ABHD12B: variants seen among roughly 807,000 people sequenced by gnomAD.
ABHD12B encodes the protein abhydrolase domain containing 12B.
In ABHD12B, 42 loss-of-function variants were observed where a neutral mutation model predicts 50.4. The observed-to-expected ratio is 0.83, with a 90% CI of 0.65 to 1.08. The LOEUF (loss-of-function observed/expected upper bound fraction) is 1.08, where lower values mean the gene tolerates loss of function less well. Ranked by LOEUF, ABHD12B falls within the 50% of genes least tolerant of loss-of-function variation. The pLI is 0.00. For missense variants in ABHD12B, 479 were observed against 447.7 expected (o/e 1.07, Z -0.63); for synonymous variants, 167 against 160.3 (o/e 1.04, Z -0.32).
chr14:50,876,239 A>G (rs2049862193), intron 1 of ABHD12B, among the ~76,000 whole-genome samples: 1 of 152,202 alleles, frequency 6.6e-6, no homozygotes, highest in Admixed American at 6.5e-5. Flanking sequence ...TTGCCAGCGT[A>G]TGATGTATTC....
At chr14:50,887,284 A>G (rs1168097839) in intron 8 of ABHD12B, among the ~76,000 whole-genome samples, 6 of 151,780 alleles carry the variant, frequency 4.0e-5, no homozygotes, top group African/African-American at 1.2e-4. Flanking sequence ...AAAATACTGT[A>G]TCATTAAATG....
chr14:50,879,410 A>G (rs145329338), intron 3 of ABHD12B, among the ~76,000 whole-genome samples: 176 of 152,364 alleles, frequency 1.2e-3, no homozygotes, highest in South Asian at 2.9e-3. Context: ...AGCAGGTGAT[A>G]GACTTTGTTG....
At chr14:50,888,524 A>T (rs1455800321) in intron 8 of ABHD12B, among the ~76,000 whole-genome samples, 1 of 151,984 alleles carries the variant, frequency 6.6e-6, no homozygotes, top group African/African-American at 2.4e-5. Flanking sequence ...TGTCCAAGCC[A>T]TGATGACCTG....
At position 50,890,902 on chromosome 14, in the gene ABHD12B, CTT is replaced by C. The variant is rs2050108674; in HGVS notation, c.780+2001_780+2002del. ...TTACAGTGCAAGTTTTCCTAAATGA[CTT>C]TACCACTTTACTCTCTCACCAATCC... is the stretch of plus-strand genomic sequence containing the variant. On this transcript the variant is annotated intron_variant, in intron 9 of 12. Coordinates refer to ENST00000337334, the MANE Select transcript of ABHD12B (RefSeq NM_001206673.2). Among the ~76,000 whole-genome samples the C allele has an allele frequency of 3.3e-5, 5 of 152,278 alleles. No individual in the cohort carries two copies. The East Asian group carries it at 9.6e-4, about 29-fold the overall frequency.
intron 5 of ABHD12B, among the ~76,000 whole-genome samples, chr14:50,881,843 G>A (rs979396094): frequency 6.6e-6 from 1 of 152,116 alleles, no homozygotes; most frequent in African/African-American, 2.4e-5. Context: ...AAGTACCTTC[G>A]TGAACTTAAT....
At chr14:50,885,530 T>G in intron 5 of ABHD12B, 84 bp from the exon 6 acceptor site, 1 of 1,489,430 alleles carries the variant, frequency 6.7e-7, no homozygotes, top group Non-Finnish European at 9.4e-7. Context: ...CTCCTTGTGA[T>G]GTGATATGGA....
At position 50,904,055 on chromosome 14, in the gene ABHD12B, C is replaced by T. The variant is rs757911675; in HGVS notation, c.943-19C>T. 1.1e-5 allele frequency: 17 copies of T among 1,593,268 alleles called. No individual in the cohort carries two copies. The highest frequency in any genetic ancestry group is 4.5e-5 in the South Asian group (4 of 89,548). On this transcript the variant is annotated intron_variant, in intron 11 of 12. Coordinates refer to ENST00000337334, the MANE Select transcript of ABHD12B (RefSeq NM_001206673.2). ...AGCTTTGAATGGCCATCCTTTGAGT[C>T]TCTTTCTGTCGCTTGCAGCTCTATG...
chr14:50,875,334 G>A (rs1442922628), intron 1 of ABHD12B, among the ~76,000 whole-genome samples: 1 of 152,242 alleles, frequency 6.6e-6, no homozygotes, highest in African/African-American at 2.4e-5. Flanking sequence ...GAGTGAATTG[G>A]CACACAGGTT....
At position 50,886,666 on chromosome 14, in the gene ABHD12B, A is replaced by G. The variant is rs760333055; in HGVS notation, c.682A>G (p.Lys228Glu). The G allele has an allele frequency of 6.2e-7, 1 of 1,609,354 alleles. No individual in the cohort carries two copies. Among genetic ancestry groups the G allele is most frequent in the South Asian group, 1.1e-5 (1 of 90,396 alleles). Residue 228 changes from lysine to glutamate, a missense_variant, in exon 8 of 13, where the codon AAA becomes GAA. By Grantham distance (56) the Lys-to-Glu change is moderately conservative. Transcript: ENST00000337334. ...TTACAGAGTTGCAACAAATGCTGCA[A>G]AAGTGCTAGAAGAAAAAGGTAATAT... Reference protein sequence around the residue: ...LGTGVATNAAKVLEEKGCPVD... With the variant: ...LGTGVATNAAEVLEEKGCPVD...
In ABHD12B at chr14:50,903,407, T is replaced by C. The variant is rs745346125; in HGVS notation, c.882T>C (p.Ser294=). The C allele has an allele frequency of 9.9e-6, 16 of 1,612,290 alleles. No individual in the cohort carries two copies. Among genetic ancestry groups the C allele is most frequent in the Non-Finnish European group, 1.4e-5 (16 of 1,178,796 alleles). Residue 294 remains serine, a synonymous_variant, in exon 11 of 13, where the codon TCT becomes TCC. Coordinates refer to ENST00000337334, the MANE Select transcript of ABHD12B (RefSeq NM_001206673.2). The part of the protein sequence containing the change: ...PNDENVKFLS[S]PLLILHGEDD... Reference sequence around the variant, plus strand: ...TCCCTAGTGTTAAATTCCTTTCTTCTCCTCTTCTCATCTTACATGGAGAGG... The same window carrying C: ...TCCCTAGTGTTAAATTCCTTTCTTCCCCTCTTCTCATCTTACATGGAGAGG...
chr14:50,872,422 C>T, intron 1 of ABHD12B, 144 bp downstream of exon 1: 1 of 512,876 alleles, frequency 1.9e-6, no homozygotes, highest in Non-Finnish European at 3.0e-6. Flanking sequence ...TCCGGGGGAC[C>T]TCGGCGGCCC....
chr14:50,904,402 G>T lies in ABHD12B; in HGVS notation c.*36G>T. On this transcript the variant is annotated 3_prime_UTR_variant, in exon 13 of 13. Coordinates refer to ENST00000337334, the MANE Select transcript of ABHD12B (RefSeq NM_001206673.2). The stretch of plus-strand genomic sequence containing the variant: ...AGTGGAAATCTTCAATGAAGACTTG[G>T]CCCAAACACCACCTGTGATGTATAT... 1 of 1,613,144 alleles carries T rather than the reference G, an allele frequency of 6.2e-7. No homozygotes were observed.
rs753148607 is a variant in ABHD12B, at chr14:50,880,475, G to C, written c.359G>C (p.Gly120Ala). Residue 120 changes from glycine to alanine, a missense_variant, in exon 4 of 13, where the codon GGG becomes GCG. Gly to Ala is a moderately conservative substitution (Grantham distance 60). Transcript: ENST00000337334. ...AGGCACACAGTCCCCAGCTGCCGGG[G>C]GGAAGATGCCAAGGGGAAGGACTGT... ...GIWHTVPSCRGEDAKGKDCCW... is the reference protein window; with the variant it reads ...GIWHTVPSCRAEDAKGKDCCW... 69 of 1,609,548 alleles carry C rather than the reference G, an allele frequency of 4.3e-5. 1 individual carries two copies. The Admixed American group carries it at 1.2e-3, about 27-fold the overall frequency.
Position 50,904,385 on chromosome 14 carries a change from T to C in ABHD12B, c.*19T>C. 6.2e-7 allele frequency: 1 copy of C among 1,613,806 alleles called. No individual in the cohort carries two copies. The highest frequency in any genetic ancestry group is 8.5e-7 in the Non-Finnish European group (1 of 1,179,832). On this transcript the variant is annotated 3_prime_UTR_variant, in exon 13 of 13. Transcript: ENST00000337334. ...GTCATGAGTCTGGGAGGAGTGGAAA[T>C]CTTCAATGAAGACTTGGCCCAAACA...
chr14:50,892,680 T>C, intron 9 of ABHD12B: 4 of 798,148 alleles, frequency 5.0e-6, no homozygotes, highest in Non-Finnish European at 6.1e-6. Context: ...CTTTCTCATA[T>C]GTTCTTTGGA....
At chr14:50,884,424 C>T (rs2050004776) in intron 5 of ABHD12B, among the ~76,000 whole-genome samples, 1 of 152,182 alleles carries the variant, frequency 6.6e-6, no homozygotes, top group Non-Finnish European at 1.5e-5. Context: ...TTACAAGTTC[C>T]TAATGAGGTT....
intron 9 of ABHD12B, among the ~76,000 whole-genome samples, chr14:50,898,422 C>T (rs576660223): frequency 1.3e-5 from 2 of 152,136 alleles, no homozygotes; most frequent in Admixed American, 1.3e-4. Context: ...TGTGGCATGC[C>T]CAAAGCTTCG....
intron 3 of ABHD12B, among the ~76,000 whole-genome samples, chr14:50,880,215 C>T (rs1566484704): frequency 6.6e-6 from 1 of 152,132 alleles, no homozygotes; most frequent in Middle Eastern, 3.4e-3. Flanking sequence ...GTCAGAAGAA[C>T]GAAAACAGTA....
chr14:50,881,249 G>A (rs1308807386), intron 4 of ABHD12B, among the ~76,000 whole-genome samples: 1 of 151,900 alleles, frequency 6.6e-6, no homozygotes, highest in African/African-American at 2.4e-5. Context: ...CAGGGGCGAT[G>A]TGCCTCAGAA....
Sources: allele counts gnomAD v4.1 joint callset (sites outside exome capture counted in the v4.1 genomes callset), GRCh38; gene constraint gnomAD v4.1.1; transcripts MANE v1.5; gene names NCBI Gene and HGNC (gene_info 2026-07-23, HGNC 2026-07-21).